PPP2R5E: variants seen among roughly 807,000 people sequenced by gnomAD.
The protein encoded by PPP2R5E is protein phosphatase 2 regulatory subunit B'epsilon.
PPP2R5E carries 4 observed loss-of-function variants against 65.3 expected under a neutral mutation model. The ratio of observed to expected loss-of-function variants is 0.06; its 90% confidence interval spans 0.03 to 0.14. The LOEUF is 0.14. Among genes scored for constraint, PPP2R5E ranks in the 10% least tolerant of loss-of-function variants. The probability of loss-of-function intolerance (pLI) is 1.00; values close to 1 mark genes in which losing one functional copy is unlikely to be tolerated. For synonymous variants in PPP2R5E, 183 were observed against 187.4 expected (o/e 0.98, Z 0.19); for missense variants, 274 against 556.1 (o/e 0.49, Z 5.10).
At chr14:63,519,783 T>C (rs1337454417) in intron 2 of PPP2R5E, among the ~76,000 whole-genome samples, 1 of 151,458 alleles carries the variant, frequency 6.6e-6, no homozygotes, top group Non-Finnish European at 1.5e-5. Flanking sequence ...TGCCTCAGCC[T>C]CCCGAGTAGC....
intron 5 of PPP2R5E, among the ~76,000 whole-genome samples, chr14:63,397,438 G>A (rs1401281995): frequency 1.4e-5 from 2 of 146,180 alleles, no homozygotes; most frequent in African/African-American, 2.5e-5. Context: ...GGAGGCAGAG[G>A]TTACAGTGAG....
chr14:63,540,414 GAGCA>G (rs1893847733), intron 1 of PPP2R5E, among the ~76,000 whole-genome samples: 1 of 122,772 alleles, frequency 8.1e-6, no homozygotes, highest in Admixed American at 8.7e-5. Context: ...CTGGGCAACA[GAGCA>G]AGAGTCCATC....
intron 8 of PPP2R5E, among the ~76,000 whole-genome samples, chr14:63,392,481 C>G (rs1055683093): frequency 5.3e-5 from 8 of 152,202 alleles, no homozygotes; most frequent in Admixed American, 2.0e-4. Context: ...CACATGCAAA[C>G]TAAAGCAGTT....
intron 12 of PPP2R5E, 129 bp from the exon 13 acceptor site, chr14:63,382,286 GT>G: frequency 6.0e-6 from 3 of 496,866 alleles, no homozygotes; most frequent in Non-Finnish European, 6.8e-6. Context: ...TCCTTTTTTA[GT>G]TGGAACAACT....
At chr14:63,402,901 G>A (rs535458239) in intron 5 of PPP2R5E, among the ~76,000 whole-genome samples, 1 of 152,012 alleles carries the variant, frequency 6.6e-6, no homozygotes, top group African/African-American at 2.4e-5. Context: ...TCCATTAAGT[G>A]TTCTGCACAA....
At chr14:63,429,406 A>G (rs909346574) in intron 3 of PPP2R5E, among the ~76,000 whole-genome samples, 4 of 152,246 alleles carry the variant, frequency 2.6e-5, no homozygotes, top group African/African-American at 9.6e-5. Flanking sequence ...AACCAAAAAG[A>G]CTATATGAAT....
intron 4 of PPP2R5E, among the ~76,000 whole-genome samples, chr14:63,418,569 T>C (rs1330874098): frequency 6.6e-6 from 1 of 152,206 alleles, no homozygotes; most frequent in Non-Finnish European, 1.5e-5. Flanking sequence ...GGAACTTTAG[T>C]AAGAAGACTA....
intron 13 of PPP2R5E, among the ~76,000 whole-genome samples, chr14:63,379,191 G>A (rs967280064): frequency 3.9e-5 from 6 of 152,040 alleles, no homozygotes; most frequent in African/African-American, 1.4e-4. Flanking sequence ...ACCACGCCCT[G>A]CTAATTTTTT....
In PPP2R5E at chr14:63,539,584, T is replaced by G. The variant is rs963227313; in HGVS notation, c.102A>C (p.Ser34=). The change falls in exon 2 of 14, where the codon TCA becomes TCC. Residue 34 remains serine, a synonymous_variant. Transcript: ENST00000337537. The part of the protein sequence containing the change: ...KARQKRSQSS[S]QFRSQGKPIE... The stretch of plus-strand genomic sequence containing the variant: ...TAGGCTTGCCTTGAGACCTAAACTG[T>G]GAGGAACTTTGCGACCTCTTCTGTC... The G allele has an allele frequency of 1.2e-6, 2 of 1,613,994 alleles. No individual in the cohort carries two copies. Among genetic ancestry groups the G allele is most frequent in the Non-Finnish European group, 1.7e-6 (2 of 1,180,000 alleles).
chr14:63,393,711 CA>C, intron 8 of PPP2R5E, 108 bp downstream of exon 8: 2 of 706,410 alleles, frequency 2.8e-6, no homozygotes, highest in Non-Finnish European at 4.5e-6. Context: ...GACTCCGTCT[CA>C]AAAAACAAAA....
chr14:63,524,950 T>C (rs1451971595), intron 2 of PPP2R5E, among the ~76,000 whole-genome samples: 1 of 152,256 alleles, frequency 6.6e-6, no homozygotes, highest in Non-Finnish European at 1.5e-5. Flanking sequence ...TGCGGTTAGC[T>C]GTTCTCACCT....
chr14:63,520,976 T>G (rs920651804), intron 2 of PPP2R5E, among the ~76,000 whole-genome samples: 4 of 151,480 alleles, frequency 2.6e-5, no homozygotes, highest in Admixed American at 2.6e-4. Context: ...GAGGTAGAGC[T>G]TGCAGTGAGC....
intron 2 of PPP2R5E, among the ~76,000 whole-genome samples, chr14:63,521,045 A>C (rs1892888568): frequency 6.6e-6 from 1 of 151,800 alleles, no homozygotes; most frequent in South Asian, 2.1e-4. Context: ...TCTCAAAAAA[A>C]AGAAAAAGAA....
chr14:63,410,089 AGACT>A (rs764568850), intron 5 of PPP2R5E, among the ~76,000 whole-genome samples: 22 of 152,226 alleles, frequency 1.4e-4, no homozygotes, highest in Non-Finnish European at 2.4e-4. Flanking sequence ...GACAGTCAGA[AGACT>A]GACTGCAAAG....
At chr14:63,397,485 G>C (rs1594827998) in intron 5 of PPP2R5E, among the ~76,000 whole-genome samples, 1 of 107,276 alleles carries the variant, frequency 9.3e-6, no homozygotes. Context: ...CTGGGCCATA[G>C]AGCAAGATTC....
At chr14:63,483,275 T>C (rs1890802081) in intron 2 of PPP2R5E, among the ~76,000 whole-genome samples, 1 of 152,108 alleles carries the variant, frequency 6.6e-6, no homozygotes, top group Non-Finnish European at 1.5e-5. Flanking sequence ...CAGAATGCAC[T>C]CGCAGACATA....
chr14:63,408,190 A>C (rs1268144651), intron 5 of PPP2R5E, among the ~76,000 whole-genome samples: 3 of 152,202 alleles, frequency 2.0e-5, no homozygotes, highest in African/African-American at 7.2e-5. Context: ...ATTACCTCCT[A>C]CTAAGGAACT....
At chr14:63,474,163 G>A (rs902515073) in intron 2 of PPP2R5E, among the ~76,000 whole-genome samples, 1 of 152,232 alleles carries the variant, frequency 6.6e-6, no homozygotes, top group Non-Finnish European at 1.5e-5. Context: ...ACAAATTAGA[G>A]ATAATTTACT....
At position 63,373,307 on chromosome 14, in the gene PPP2R5E, A is replaced by G. The variant is rs1339376819; in HGVS notation, c.*2702T>C. ...GGAAATTATGAAGCAAACAAAATAT[A>G]ACACAAAGATGCATTTGTCACAATT... On this transcript the variant is annotated 3_prime_UTR_variant, in exon 14 of 14. Coordinates refer to ENST00000337537, the MANE Select transcript of PPP2R5E (RefSeq NM_006246.5). The G allele has an allele frequency of 1.3e-5, 2 of 152,260 alleles. No individual in the cohort carries two copies. The highest frequency in any genetic ancestry group is 2.9e-5 in the Non-Finnish European group (2 of 68,052). The allele number at this position is 152,260 out of a possible 1,614,324, so 9.4% of individuals were successfully genotyped here.
Sources: gnomAD v4.1 joint callset for allele counts (sites outside exome capture counted in the v4.1 genomes callset) on GRCh38, gnomAD v4.1.1 for gene constraint, MANE v1.5 for transcripts, NCBI Gene and HGNC (gene_info 2026-07-23, HGNC 2026-07-21) for gene names.